The following SLCO5A1 variants were observed in gnomAD, a reference collection of about 807,000 sequenced individuals.
SLCO5A1 encodes organic anion transporter polypeptide-related protein 4.
Under a neutral mutation model 65.1 loss-of-function variants are expected in SLCO5A1, and 39 were observed. The ratio of observed to expected loss-of-function variants is 0.60; its 90% CI spans 0.46 to 0.78. The LOEUF is 0.78. SLCO5A1 is among the 30% of genes least tolerant of loss of function. The probability of loss-of-function intolerance (pLI) is 0.00; values close to 1 mark genes in which losing one functional copy is unlikely to be tolerated. For synonymous variants in SLCO5A1, 438 were observed against 415.7 expected (o/e 1.05, Z -0.65); for missense variants, 1,029 against 1,069.4 (o/e 0.96, Z 0.53).
Position 69,670,936 on chromosome 8 carries a change from G to A in SLCO5A1, c.*1933C>T, listed in dbSNP as rs1813311858. 6.6e-6 allele frequency: 1 copy of A among 152,206 alleles called. No homozygotes were observed. Among genetic ancestry groups the A allele is most frequent in the Admixed American group, 6.5e-5 (1 of 15,276 alleles). The allele number at this position is 152,206 out of a possible 1,614,324, so 9.4% of individuals were successfully genotyped here. A position where few individuals can be genotyped will look rare whatever the true frequency, so the allele number is the denominator to read the frequency against. On this transcript the variant is annotated 3_prime_UTR_variant, in exon 10 of 10. Coordinates refer to ENST00000260126, the MANE Select transcript of SLCO5A1 (RefSeq NM_030958.3). Reference sequence around the variant, plus strand: ...TAAAGGGGAACCCTGAGGCCCCAAAGGAGACACTAGTTCAATCAGCAAGGT... The same window carrying A: ...TAAAGGGGAACCCTGAGGCCCCAAAAGAGACACTAGTTCAATCAGCAAGGT...
At chr8:69,830,667 C>T (rs1016194584) in intron 2 of SLCO5A1, among the ~76,000 whole-genome samples, 17 of 152,172 alleles carry the variant, frequency 1.1e-4, no homozygotes, top group African/African-American at 4.1e-4. Flanking sequence ...CAGGGAGGTG[C>T]TAACAACCTC....
chr8:69,731,006 T>C (rs990428125), intron 5 of SLCO5A1, among the ~76,000 whole-genome samples: 2 of 152,042 alleles, frequency 1.3e-5, no homozygotes, highest in Non-Finnish European at 2.9e-5. Context: ...TTGCAATTTT[T>C]TTTTTTTTTG....
At chr8:69,692,891 A>T (rs1814334972) in intron 6 of SLCO5A1, among the ~76,000 whole-genome samples, 1 of 152,214 alleles carries the variant, frequency 6.6e-6, no homozygotes, top group Admixed American at 6.5e-5. Context: ...GTATGCATTA[A>T]AATAATGATT....
chr8:69,825,298 G>A (rs1820826196), intron 2 of SLCO5A1, among the ~76,000 whole-genome samples: 1 of 152,186 alleles, frequency 6.6e-6, no homozygotes, highest in African/African-American at 2.4e-5. Context: ...GCAGGAGAAG[G>A]AAATAAAGGG....
chr8:69,739,233 C>A (rs1816696902), intron 4 of SLCO5A1, among the ~76,000 whole-genome samples: 1 of 152,198 alleles, frequency 6.6e-6, no homozygotes, highest in African/African-American at 2.4e-5. Flanking sequence ...ACTTCTCAAT[C>A]ATACTCATCC....
intron 3 of SLCO5A1, among the ~76,000 whole-genome samples, chr8:69,761,086 A>G (rs1347905588): frequency 1.3e-5 from 2 of 152,298 alleles, no homozygotes; most frequent in Middle Eastern, 3.4e-3. Flanking sequence ...AGTCAGCAGG[A>G]AAGTCCCCAC....
intron 2 of SLCO5A1, among the ~76,000 whole-genome samples, chr8:69,810,892 G>C (rs1398659592): frequency 1.3e-5 from 2 of 152,086 alleles, no homozygotes; most frequent in Non-Finnish European, 2.9e-5. Context: ...CTGGTTTTTT[G>C]TTTCGGTCTA....
At chr8:69,818,880 C>T (rs546585902) in intron 2 of SLCO5A1, among the ~76,000 whole-genome samples, 5 of 152,150 alleles carry the variant, frequency 3.3e-5, no homozygotes, top group East Asian at 1.9e-4. Flanking sequence ...CCACTCATGG[C>T]GCCACATCAT....
At chr8:69,688,894 G>A (rs1249069486) in intron 6 of SLCO5A1, among the ~76,000 whole-genome samples, 14 of 152,106 alleles carry the variant, frequency 9.2e-5, no homozygotes, top group Non-Finnish European at 5.9e-5. Context: ...CTAGTTCTAG[G>A]TCCCTGAGGA....
chr8:69,754,567 A>T (rs1326776329), intron 4 of SLCO5A1, among the ~76,000 whole-genome samples: 2 of 152,174 alleles, frequency 1.3e-5, no homozygotes, highest in African/African-American at 2.4e-5. Flanking sequence ...AATTTATATC[A>T]AAAAAATCAA....
rs1298600953 is a variant in SLCO5A1, at chr8:69,682,254, C to T, written c.1712G>A (p.Gly571Glu). ...CKIHEYEPVC[G>E]SDGITYFNPC... Reference sequence around the variant, plus strand: ...GTTAAAGTATGTAATTCCATCTGATCCACAGACTGGCTCATACTCGTGTAT... The same window carrying T: ...GTTAAAGTATGTAATTCCATCTGATTCACAGACTGGCTCATACTCGTGTAT... Residue 571 changes from glycine (G) to glutamate (E), a missense_variant, in exon 7 of 10, where the codon GGA becomes GAA. Around this residue, in one of 3 missense-constraint regions of SLCO5A1, gnomAD observed 124 missense variants for 184.5 expected, o/e 0.67. Transcript: ENST00000260126. 1.2e-6 allele frequency: 2 copies of T among 1,613,042 alleles called. No individual in the cohort carries two copies. The highest frequency in any genetic ancestry group is 3.3e-5 in the Admixed American group (2 of 59,792).
At chr8:69,772,369 A>T (rs1040192098) in intron 2 of SLCO5A1, among the ~76,000 whole-genome samples, 2 of 151,790 alleles carry the variant, frequency 1.3e-5, no homozygotes, top group African/African-American at 4.8e-5. Flanking sequence ...AAAAAAAATT[A>T]AAAATTAGAC....
chr8:69,727,051 C>T (rs1323225120), intron 5 of SLCO5A1, among the ~76,000 whole-genome samples: 1 of 152,146 alleles, frequency 6.6e-6, no homozygotes, highest in Non-Finnish European at 1.5e-5. Context: ...CCTTTGCTAC[C>T]CATAGAGGTT....
Position 69,673,098 on chromosome 8 carries a change from C to G in SLCO5A1, c.2318G>C (p.Arg773Thr). The change falls in exon 10 of 10, where the codon AGA becomes ACA. Residue 773 changes from arginine (R) to threonine (T), a missense_variant. Arg to Thr is a moderately conservative substitution (Grantham distance 71). This residue lies in a region of SLCO5A1 where 258 missense variants were observed against 237.4 expected (regional missense o/e 1.09). Coordinates refer to ENST00000260126, the MANE Select transcript of SLCO5A1 (RefSeq NM_030958.3). The stretch of plus-strand genomic sequence containing the variant: ...ACTCACGGTGCTCAGGGGAAATTCT[C>G]TCTGCCTCCGCCTCTGCAGTCCATC... ...KEDGLQRRRQ[R>T]EFPLSTVSER... The G allele has an allele frequency of 1.2e-6, 2 of 1,614,260 alleles. No homozygotes were observed. Among genetic ancestry groups the G allele is most frequent in the Non-Finnish European group, 1.7e-6 (2 of 1,180,046 alleles).
At chr8:69,705,816 G>A (rs1036824151) in intron 5 of SLCO5A1, among the ~76,000 whole-genome samples, 2 of 152,198 alleles carry the variant, frequency 1.3e-5, no homozygotes, top group Non-Finnish European at 1.5e-5. Flanking sequence ...AAGATGTAAC[G>A]TACTGGGAAC....
intron 7 of SLCO5A1, among the ~76,000 whole-genome samples, chr8:69,680,404 C>A (rs531558030): frequency 3.9e-5 from 6 of 152,288 alleles, no homozygotes; most frequent in African/African-American, 1.4e-4. Context: ...TCTAATCCTG[C>A]ATTAATTCAC....
At chr8:69,746,768 T>G (rs1424362499) in intron 4 of SLCO5A1, among the ~76,000 whole-genome samples, 1 of 152,134 alleles carries the variant, frequency 6.6e-6, no homozygotes, top group Non-Finnish European at 1.5e-5. Flanking sequence ...GTTTATAAAT[T>G]TCTATATTTT....
At chr8:69,790,359 C>T (rs961269948) in intron 2 of SLCO5A1, among the ~76,000 whole-genome samples, 1 of 151,788 alleles carries the variant, frequency 6.6e-6, no homozygotes, top group Admixed American at 6.6e-5. Context: ...TATGTACCCA[C>T]AAAAATTAAA....
At chr8:69,772,414 T>G (rs1403723650) in intron 2 of SLCO5A1, among the ~76,000 whole-genome samples, 1 of 151,482 alleles carries the variant, frequency 6.6e-6, no homozygotes, top group African/African-American at 2.4e-5. Context: ...TCCCAGCTAT[T>G]TGGGAGGCTG....
Sources: gnomAD v4.1 joint callset for allele counts (sites outside exome capture counted in the v4.1 genomes callset) on GRCh38, gnomAD v4.1.1 for gene constraint, gnomAD v4.1.1 regional missense constraint, MANE v1.5 for transcripts, NCBI Gene and HGNC (gene_info 2026-07-23, HGNC 2026-07-21) for gene names.